C1QTNF3: variants seen among roughly 807,000 people sequenced by gnomAD.
The protein encoded by C1QTNF3 is C1q and TNF related 3.
A neutral mutation model predicts 32.6 loss-of-function variants in C1QTNF3; 26 were observed. The observed-to-expected ratio is 0.80, with a 90% CI of 0.58 to 1.11. C1QTNF3 has a LOEUF of 1.11. Among genes scored for constraint, C1QTNF3 ranks in the 50% least tolerant of loss-of-function variants. The pLI, the probability that C1QTNF3 is intolerant of heterozygous loss-of-function variation, is 0.00. For synonymous variants in C1QTNF3, 155 were observed against 146.0 expected (o/e 1.06, Z -0.44); for missense variants, 362 against 398.2 (o/e 0.91, Z 0.77).
At chr5:34,057,176 A>G in the C1QTNF3 span, among the ~76,000 whole-genome samples, 3 of 152,210 alleles carry the variant, frequency 2.0e-5, no homozygotes, top group African/African-American at 7.2e-5. Context: ...ACAGCGATCC[A>G]AAGACCACAC....
the C1QTNF3 span, among the ~76,000 whole-genome samples, chr5:34,081,675 G>A: frequency 2.6e-5 from 4 of 151,162 alleles, no homozygotes; most frequent in Admixed American, 6.6e-5. Flanking sequence ...AAAAAAAACA[G>A]GGGAATTTAA....
At chr5:34,076,501 G>A in the C1QTNF3 span, among the ~76,000 whole-genome samples, 2 of 151,418 alleles carry the variant, frequency 1.3e-5, no homozygotes, top group Non-Finnish European at 2.9e-5. Context: ...TAGTATCAGA[G>A]TGCAGACAGT....
the C1QTNF3 span, among the ~76,000 whole-genome samples, chr5:34,156,714 T>C: frequency 7.9e-5 from 12 of 152,184 alleles, no homozygotes; most frequent in African/African-American, 2.9e-4. Flanking sequence ...GGGGGGAAAT[T>C]ATTGACCCAA....
the C1QTNF3 span, among the ~76,000 whole-genome samples, chr5:34,071,747 T>C: frequency 6.6e-6 from 1 of 152,086 alleles, no homozygotes; most frequent in East Asian, 1.9e-4. Context: ...AGTGCTGAAT[T>C]AGGGAAAAGC....
At chr5:34,231,248 A>G in the C1QTNF3 span, among the ~76,000 whole-genome samples, 1 of 152,238 alleles carries the variant, frequency 6.6e-6, no homozygotes, top group Non-Finnish European at 1.5e-5. Flanking sequence ...CATCTTTTGT[A>G]AAGTTATGAT....
chr5:34,050,404 T>C, the C1QTNF3 span, among the ~76,000 whole-genome samples: 3 of 152,338 alleles, frequency 2.0e-5, no homozygotes, highest in Admixed American at 6.5e-5. Flanking sequence ...TTATGGTACA[T>C]GTCCAAGCTA....
chr5:34,144,435 T>C, the C1QTNF3 span, among the ~76,000 whole-genome samples: 2 of 152,212 alleles, frequency 1.3e-5, no homozygotes, highest in African/African-American at 4.8e-5. Context: ...ATGTATCTAA[T>C]AGACATCCAA....
At chr5:34,138,439 T>C in the C1QTNF3 span, among the ~76,000 whole-genome samples, 18 of 152,260 alleles carry the variant, frequency 1.2e-4, no homozygotes, top group Non-Finnish European at 1.3e-4. Flanking sequence ...ACGACTATAT[T>C]GTAACTTTTT....
chr5:34,117,743 A>C, the C1QTNF3 span, among the ~76,000 whole-genome samples: 6 of 152,028 alleles, frequency 3.9e-5, no homozygotes, highest in Non-Finnish European at 7.4e-5. Context: ...TGCACTCCAG[A>C]CTAGGCGACA....
the C1QTNF3 span, among the ~76,000 whole-genome samples, chr5:34,196,828 T>G: frequency 4.7e-5 from 3 of 63,170 alleles, no homozygotes; most frequent in Non-Finnish European, 1.1e-4. Flanking sequence ...CCCGGCTAAT[T>G]TTTTTGTATT....
At chr5:34,130,094 T>G in the C1QTNF3 span, among the ~76,000 whole-genome samples, 173 of 152,124 alleles carry the variant, frequency 1.1e-3, 1 homozygote, top group Middle Eastern at 0.01. Context: ...GCTGTTTGTC[T>G]TCATTTGTCT....
the C1QTNF3 span, among the ~76,000 whole-genome samples, chr5:34,181,628 C>T: frequency 6.6e-6 from 1 of 152,398 alleles, no homozygotes; most frequent in Non-Finnish European, 1.5e-5. Context: ...CACTGGCTCT[C>T]GGTGACGGGC....
At chr5:34,163,462 A>G in the C1QTNF3 span, among the ~76,000 whole-genome samples, 5 of 137,848 alleles carry the variant, frequency 3.6e-5, no homozygotes, top group South Asian at 1.2e-3. Context: ...TTACTATAAA[A>G]TGTATTTTAT....
chr5:34,054,775 C>A, the C1QTNF3 span, among the ~76,000 whole-genome samples: 12 of 152,092 alleles, frequency 7.9e-5, no homozygotes, highest in Non-Finnish European at 1.5e-4. Flanking sequence ...ACCTTCCTGT[C>A]TGTCTCCTTT....
At chr5:34,161,484 TAA>T in the C1QTNF3 span, among the ~76,000 whole-genome samples, 2 of 152,126 alleles carry the variant, frequency 1.3e-5, no homozygotes, top group Admixed American at 6.5e-5. Flanking sequence ...TTCTCTAAAT[TAA>T]GAGTCTCAAA....
At chr5:34,160,908 G>GA in the C1QTNF3 span, among the ~76,000 whole-genome samples, 30 of 151,728 alleles carry the variant, frequency 2.0e-4, 2 homozygotes, top group South Asian at 5.6e-3. Context: ...TTTATATTGG[G>GA]AAAAAAAAGA....
chr5:34,088,550 A>G, the C1QTNF3 span, among the ~76,000 whole-genome samples: 2 of 152,326 alleles, frequency 1.3e-5, no homozygotes, highest in South Asian at 4.1e-4. Context: ...GTCAACATAT[A>G]TAATTGGACC....
the C1QTNF3 span, among the ~76,000 whole-genome samples, chr5:34,082,360 T>C: frequency 1.3e-5 from 2 of 151,612 alleles, no homozygotes; most frequent in East Asian, 3.9e-4. Context: ...TATCACCATT[T>C]AAATAATTCT....
chr5:34,109,421 T>A, the C1QTNF3 span, among the ~76,000 whole-genome samples: 1 of 152,128 alleles, frequency 6.6e-6, no homozygotes, highest in Non-Finnish European at 1.5e-5. Flanking sequence ...AGAACCAGAC[T>A]CTGCTATATG....
Sources: gnomAD v4.1 joint callset for allele counts (sites outside exome capture counted in the v4.1 genomes callset) on GRCh38, gnomAD v4.1.1 for gene constraint, MANE v1.5 for transcripts, NCBI Gene and HGNC (gene_info 2026-07-23, HGNC 2026-07-21) for gene names.